Variants in FRYL observed in about 807,000 individuals in gnomAD.
The protein encoded by FRYL is FRY like transcription coactivator, also known as protein furry homolog-like.
In FRYL, 150 loss-of-function variants were observed where a neutral mutation model predicts 351.2. That is an observed-to-expected ratio of 0.43 (90% CI 0.37 to 0.49). FRYL has a LOEUF of 0.49. Ranked by LOEUF, FRYL falls within the 20% of genes least tolerant of loss-of-function variation. The pLI is 0.00. For synonymous variants in FRYL, 1,153 were observed against 1,257.1 expected (o/e 0.92, Z 1.75); for missense variants, 3,036 against 3,619.3 (o/e 0.84, Z 4.13).
At position 48,567,137 on chromosome 4, in the gene FRYL, C is replaced by A; in HGVS notation, c.3169+111G>T. 1 of 771,288 alleles carries A rather than the reference C, an allele frequency of 1.3e-6. No homozygotes were observed. Among genetic ancestry groups the A allele is most frequent in the Non-Finnish European group, 1.9e-6 (1 of 513,104 alleles). 47.8% of individuals were successfully genotyped at this position (771,288 alleles called of 1,614,324 possible). On this transcript the variant is annotated intron_variant, in intron 28 of 63. Transcript: ENST00000358350. The surrounding 1 kb of genome is among the most constrained non-coding windows in gnomAD (Gnocchi z 4.2). ...ATCCAGGTTATGCTGACATATTTTTCCAGTATGTTCATACGTTACTTTATC... is the reference window on the plus strand; with the variant it reads ...ATCCAGGTTATGCTGACATATTTTTACAGTATGTTCATACGTTACTTTATC...
intron 3 of FRYL, among the ~76,000 whole-genome samples, chr4:48,668,152 C>G (rs1762058249): frequency 6.6e-6 from 1 of 152,106 alleles, no homozygotes; most frequent in Non-Finnish European, 1.5e-5. Context: ...CACTTTGGCT[C>G]TACAAAGCCA....
At position 48,535,726 on chromosome 4, in the gene FRYL, A is replaced by G. The variant is rs1384740533; in HGVS notation, c.6495T>C (p.Asn2165=). The stretch of plus-strand genomic sequence containing the variant: ...AGTCATGCAGGTATCTGCACACGAC[A>G]TTGATCCAGTTAGAACAGTCTCTGG... ...TYSRDCSNWI[N]VVCRYLHDSF... is the part of the protein sequence containing the mutation. Residue 2165 remains asparagine (N), a synonymous_variant, in exon 48 of 64, where the codon AAT becomes AAC. Transcript: ENST00000358350. 2 of 1,610,944 alleles carry G rather than the reference A, an allele frequency of 1.2e-6. No individual in the cohort carries two copies. The highest frequency in any genetic ancestry group is 2.2e-5 in the East Asian group (1 of 44,736).
chr4:48,758,674 G>T (rs865929214), intron 1 of FRYL, among the ~76,000 whole-genome samples: 1 of 152,004 alleles, frequency 6.6e-6, no homozygotes, highest in East Asian at 1.9e-4. Flanking sequence ...ACAGTGTGGC[G>T]ATTCCTCAAG....
intron 55 of FRYL, 67 bp downstream of exon 55, chr4:48,520,981 C>T (rs985106961): frequency 6.2e-6 from 7 of 1,135,320 alleles, no homozygotes; most frequent in South Asian, 4.7e-5. Flanking sequence ...GAAAGAAAAG[C>T]GGGAGCTATA....
At chr4:48,569,220 A>G (rs80010038) in intron 27 of FRYL, among the ~76,000 whole-genome samples, 2 of 152,216 alleles carry the variant, frequency 1.3e-5, no homozygotes, top group African/African-American at 4.8e-5. Context: ...AATTTTTTGC[A>G]TCAAGCCCAC....
intron 3 of FRYL, among the ~76,000 whole-genome samples, chr4:48,656,706 TAA>T (rs10569965): frequency 0.95 from 137,102 of 144,258 alleles, 65,253 homozygotes; most frequent in South Asian, 0.98. Context: ...TGCATATATA[TAA>T]AATGTATATA....
chr4:48,714,742 A>G (rs1179816394), intron 1 of FRYL, among the ~76,000 whole-genome samples: 6 of 151,256 alleles, frequency 4.0e-5, no homozygotes, highest in Admixed American at 3.3e-4. Context: ...AATCAATAGA[A>G]AAAGAGGGAA....
intron 1 of FRYL, among the ~76,000 whole-genome samples, chr4:48,755,380 TAGAC>T (rs750083434): frequency 6.6e-6 from 1 of 152,184 alleles, no homozygotes; most frequent in Non-Finnish European, 1.5e-5. Flanking sequence ...TTACAAAAAA[TAGAC>T]AGTGAATTTC....
intron 18 of FRYL, among the ~76,000 whole-genome samples, chr4:48,586,943 G>C (rs1578234577): frequency 6.6e-6 from 1 of 151,566 alleles, no homozygotes; most frequent in Non-Finnish European, 1.5e-5. Context: ...CAAACAAAAA[G>C]GTTTTCAGTA....
Position 48,557,126 on chromosome 4 carries a change from CA to C in FRYL, c.4126-9del. 1.3e-6 allele frequency: 2 copies of C among 1,572,278 alleles called. No homozygotes were observed. The highest frequency in any genetic ancestry group is 2.4e-5 in the South Asian group (2 of 84,918). Reference sequence around the variant, plus strand: ...GGCCAGTTCATCGCCATACTAGATGCAATATGCACAAAAGATACTTCAGTCA... The same window carrying C: ...GGCCAGTTCATCGCCATACTAGATGCATATGCACAAAAGATACTTCAGTCA... On this transcript the variant is annotated splice_polypyrimidine_tract_variant and intron_variant, in intron 34 of 63. Transcript: ENST00000358350.
At position 48,540,322 on chromosome 4, in the gene FRYL, C is replaced by T. The variant is rs185929212; in HGVS notation, c.6295+31G>A. On this transcript the variant is annotated intron_variant, in intron 46 of 63. Transcript: ENST00000358350. ...AGTTTACATTTTACTGCATAAAATG[C>T]AAAGTGCTGGTGCAATTATATTAAC... 3.6e-5 allele frequency: 57 copies of T among 1,581,560 alleles called. No individual in the cohort carries two copies. The East Asian group carries it at 1.2e-3, about 34-fold the overall frequency.
At chr4:48,556,241 C>T (rs1356783403) in intron 35 of FRYL, among the ~76,000 whole-genome samples, 3 of 152,152 alleles carry the variant, frequency 2.0e-5, no homozygotes, top group Non-Finnish European at 4.4e-5. Flanking sequence ...CTTCCGTGGA[C>T]CACACTTTTG....
chr4:48,554,273 T>C (rs1733580709), intron 35 of FRYL, among the ~76,000 whole-genome samples: 1 of 152,052 alleles, frequency 6.6e-6, no homozygotes, highest in Non-Finnish European at 1.5e-5. Flanking sequence ...TACAGACATA[T>C]GAAAAGCACT....
intron 1 of FRYL, among the ~76,000 whole-genome samples, chr4:48,722,447 A>G (rs768873995): frequency 7.9e-5 from 12 of 152,224 alleles, no homozygotes; most frequent in Admixed American, 6.5e-4. Context: ...TTCTCAAGCT[A>G]TATTTTTCCA....
chr4:48,713,753 G>C (rs561551594), intron 1 of FRYL, among the ~76,000 whole-genome samples: 2 of 152,110 alleles, frequency 1.3e-5, no homozygotes, highest in Non-Finnish European at 2.9e-5. Context: ...ATTGAACTCA[G>C]CTCTACACCA....
Position 48,535,669 on chromosome 4 carries a change from A to T in FRYL, c.6552T>A (p.Thr2184=), listed in dbSNP as rs766141122. The change falls in exon 48 of 64, where the codon ACT becomes ACA. Residue 2184 remains threonine (T), a synonymous_variant. Coordinates refer to ENST00000358350, the MANE Select transcript of FRYL (RefSeq NM_015030.2). ...SFSDTTFNLV[T]YLAELLEKGL... ...TTGGTAAATTTACCTCTGCAAGATA[A>T]GTCACAAGATTAAATGTTGTATCTG... The T allele has an allele frequency of 6.3e-6, 10 of 1,582,994 alleles. No individual in the cohort carries two copies. In the Middle Eastern group the frequency reaches 8.4e-4, roughly 133 times the overall value.
rs369868551 is a variant in FRYL at position 48,620,689 on chromosome 4, C to T, written c.264G>A (p.Thr88=). The T allele has an allele frequency of 5.5e-5, 89 of 1,613,868 alleles. 1 individual carries two copies. Among genetic ancestry groups the T allele is most frequent in the African/African-American group, 2.9e-4 (22 of 75,022 alleles). Residue 88 remains threonine, a synonymous_variant, in exon 6 of 64, where the codon ACG becomes ACA. Coordinates refer to ENST00000358350, the MANE Select transcript of FRYL (RefSeq NM_015030.2). ...LFDWYRRQNG[T]EDESYEYRPR... is the part of the protein sequence containing the mutation. ...GCCTATATTCATAAGATTCATCTTC[C>T]GTTCCATTTTGGCGTCTGTACCAGT...
At chr4:48,607,177 A>G (rs541837193) in intron 9 of FRYL, among the ~76,000 whole-genome samples, 1 of 152,312 alleles carries the variant, frequency 6.6e-6, no homozygotes, top group Admixed American at 6.5e-5. Context: ...TACATTTGAA[A>G]AGGACATCTA....
At chr4:48,604,754 G>A (rs1184289540) in intron 11 of FRYL, among the ~76,000 whole-genome samples, 2 of 152,102 alleles carry the variant, frequency 1.3e-5, no homozygotes, top group African/African-American at 4.8e-5. Flanking sequence ...ACTTTATTAC[G>A]GCTGTCCTAG....
Sources: gnomAD v4.1 joint callset for allele counts (sites outside exome capture counted in the v4.1 genomes callset) on GRCh38, gnomAD v4.1.1 for gene constraint, Gnocchi (gnomAD v3.1) non-coding constraint, MANE v1.5 for transcripts, NCBI Gene and HGNC (gene_info 2026-07-23, HGNC 2026-07-21) for gene names.